Variants in THRA observed in about 807,000 individuals in gnomAD.
THRA encodes the protein thyroid hormone receptor alpha.
In THRA, 13 loss-of-function variants were observed where a neutral mutation model predicts 45.0. The ratio of observed to expected loss-of-function variants is 0.29; its 90% CI spans 0.19 to 0.46. The LOEUF is 0.46. THRA is among the 20% of genes least tolerant of loss of function. The pLI, the probability that THRA is intolerant of heterozygous loss-of-function variation, is 1.00. For missense variants in THRA, 278 were observed against 556.1 expected, an observed-to-expected ratio of 0.50 and a Z score of 5.03; for synonymous variants, 195 against 214.0, an observed-to-expected ratio of 0.91 and a Z score of 0.78.
rs1175880290 is a variant in THRA, at chr17:40,091,345, GGT to G, written c.*1892_*1893del. On this transcript the variant is annotated 3_prime_UTR_variant, in exon 9 of 9. Transcript: ENST00000450525. ...GGCACTGTCCTTCCCCAATCGTTCA[GGT>G]GTTCCAACAGGGGTGGAGGGCCTGG... The G allele has an allele frequency of 3.9e-5, 6 of 152,878 alleles. No homozygotes were observed. In the East Asian group the frequency reaches 1.2e-3, roughly 29 times the overall value. The allele number at this position is 152,878 out of a possible 1,614,324, so 9.5% of individuals were successfully genotyped here. A position where few individuals can be genotyped will look rare whatever the true frequency, so the allele number is the denominator to read the frequency against.
At chr17:40,083,787 G>A (rs753823337) in intron 4 of THRA, 48 bp from the exon 5 acceptor site, 1 of 1,544,688 alleles carries the variant, frequency 6.5e-7, no homozygotes, top group African/African-American at 1.4e-5. Context: ...GGTTCAGGAA[G>A]GGGAAGCCAT....
intron 7 of THRA, among the ~76,000 whole-genome samples, chr17:40,087,776 T>A (rs1356262512): frequency 6.6e-6 from 1 of 152,204 alleles, no homozygotes; most frequent in Non-Finnish European, 1.5e-5. Context: ...TTTTCTTTTT[T>A]GAGACAGATT....
At chr17:40,084,924 A>G in intron 6 of THRA, 109 bp downstream of exon 6, 1 of 1,176,534 alleles carries the variant, frequency 8.5e-7, no homozygotes, top group Non-Finnish European at 1.2e-6. Context: ...ATCCAACCCA[A>G]AATACATACT....
chr17:40,072,733 C>G (rs1035269159), intron 1 of THRA, among the ~76,000 whole-genome samples: 2 of 152,132 alleles, frequency 1.3e-5, no homozygotes, highest in African/African-American at 4.8e-5. Context: ...CCCCAGTGCC[C>G]AGCCCCTGGG....
intron 4 of THRA, 23 bp downstream of exon 4, chr17:40,077,631 C>A: frequency 1.3e-6 from 2 of 1,593,754 alleles, no homozygotes; most frequent in Non-Finnish European, 1.7e-6. Context: ...CCTCCTGCCC[C>A]TCCCCTGCCA....
At chr17:40,086,654 T>C in intron 6 of THRA, 53 bp from the exon 7 acceptor site, 2 of 1,589,818 alleles carry the variant, frequency 1.3e-6, no homozygotes, top group Non-Finnish European at 1.7e-6. Flanking sequence ...GGAGCCTCAG[T>C]GAGAGGCTGA....
intron 4 of THRA, among the ~76,000 whole-genome samples, chr17:40,082,207 CTTTTTT>C (rs770974952): frequency 5.3e-4 from 42 of 78,784 alleles, no homozygotes; most frequent in South Asian, 4.6e-4. Flanking sequence ...CTTGGATTTC[CTTTTTT>C]TTTTTTTTTT....
Position 40,092,381 on chromosome 17 carries a change from G to C in THRA, c.*2925G>C, listed in dbSNP as rs1035128731. ...TGTATGAGAAGCTGGTGCTGGGCTG[G>C]GGGGAGGGGGGTTGTGGCCAGAAAC... On this transcript the variant is annotated 3_prime_UTR_variant, in exon 9 of 9. Coordinates refer to ENST00000450525, the MANE Select transcript of THRA (RefSeq NM_199334.5). 11 of 152,236 alleles carry C rather than the reference G, an allele frequency of 7.2e-5. No homozygotes were observed. In the East Asian group the frequency reaches 1.4e-3, roughly 19 times the overall value. The allele number at this position is 152,236 out of a possible 1,614,324, so 9.4% of individuals were successfully genotyped here. A position where few individuals can be genotyped will look rare whatever the true frequency, so the allele number is the denominator to read the frequency against.
chr17:40,080,689 CTG>C (rs2145067915), intron 4 of THRA, among the ~76,000 whole-genome samples: 1 of 140,488 alleles, frequency 7.1e-6, no homozygotes, highest in Middle Eastern at 3.6e-3. Flanking sequence ...GCCCAGGAAT[CTG>C]TATCTTTGGT....
chr17:40,088,823 C>G (rs764148573), intron 8 of THRA, among the ~76,000 whole-genome samples: 117 of 151,808 alleles, frequency 7.7e-4, no homozygotes, highest in Non-Finnish European at 1.4e-3. Flanking sequence ...ATCCCCTCAT[C>G]CCTCCTCTGT....
intron 6 of THRA, among the ~76,000 whole-genome samples, chr17:40,085,557 C>T (rs921339892): frequency 6.6e-6 from 1 of 151,954 alleles, no homozygotes; most frequent in East Asian, 1.9e-4. Flanking sequence ...TGGTCTCGAA[C>T]TCCTGACCTC....
chr17:40,089,620 C>T lies in THRA; in HGVS notation c.*164C>T, dbSNP rs1173497253. The T allele has an allele frequency of 2.0e-5, 29 of 1,436,234 alleles. No homozygotes were observed. Among genetic ancestry groups the T allele is most frequent in the Non-Finnish European group, 2.5e-5 (27 of 1,100,334 alleles). 89.0% of individuals were successfully genotyped at this position (1,436,234 alleles called of 1,614,324 possible). ...CACACCCGCACTGCCCAGGTCCCTC[C>T]TCAGACCTCCAGCCCTGGGACAGGG... On this transcript the variant is annotated 3_prime_UTR_variant, in exon 9 of 9. Transcript: ENST00000450525. The surrounding 1 kb of genome is among the most constrained non-coding windows in gnomAD (Gnocchi z 6.1).
In THRA at chr17:40,088,442, CT is replaced by C; in HGVS notation, c.927del (p.Phe309LeufsTer16). ...IFELGKSLSA[F>X]NLDDTEVALL... is the part of the protein sequence containing the mutation. ...TTGAACTGGGCAAGTCACTCTCTGC[CT>C]TTAACCTGGATGACACGGAAGTGGC... On this transcript the variant is annotated frameshift_variant, in exon 8 of 9. Transcript: ENST00000450525. LOFTEE classifies it high-confidence loss of function. 6.2e-7 allele frequency: 1 copy of C among 1,614,098 alleles called. No homozygotes were observed. The highest frequency in any genetic ancestry group is 8.5e-7 in the Non-Finnish European group (1 of 1,179,972).
chr17:40,086,787 C>G lies in THRA; in HGVS notation c.657C>G (p.Thr219=), dbSNP rs1263375035. Residue 219 remains threonine, a synonymous_variant, in exon 7 of 9, where the codon ACC becomes ACG. Transcript: ENST00000450525. Reference sequence around the variant, plus strand: ...ACCTGGAAGCCTTCAGCGAGTTTACCAAGATCATCACCCCGGCCATCACCC... The same window carrying G: ...ACCTGGAAGCCTTCAGCGAGTTTACGAAGATCATCACCCCGGCCATCACCC... The part of the protein sequence containing the change: ...KVDLEAFSEF[T]KIITPAITRV... 1 of 1,614,038 alleles carries G rather than the reference C, an allele frequency of 6.2e-7. No homozygotes were observed. The highest frequency in any genetic ancestry group is 8.5e-7 in the Non-Finnish European group (1 of 1,180,030).
intron 1 of THRA, among the ~76,000 whole-genome samples, chr17:40,063,607 CCCCGCCTCA>C (rs1162556611): frequency 2.0e-5 from 3 of 152,192 alleles, no homozygotes; most frequent in Non-Finnish European, 4.4e-5. Context: ...AGGGAAGTTC[CCCCGCCTCA>C]CCCGCCTCCC....
rs922013058 is a variant in THRA at position 40,068,011 on chromosome 17, C to T, written c.-298+4919C>T. On this transcript the variant is annotated intron_variant, in intron 1 of 8. Coordinates refer to ENST00000450525, the MANE Select transcript of THRA (RefSeq NM_199334.5). ...CTCTAGCCTGAACAACAGAGTGAGA[C>T]CCCCCACACACACATCCTCTCAAAA... is the stretch of plus-strand genomic sequence containing the variant. 3.9e-5 allele frequency among the ~76,000 whole-genome samples: 6 copies of T among 152,226 alleles called. No individual in the cohort carries two copies. In the East Asian group the frequency reaches 9.6e-4, roughly 24 times the overall value.
intron 5 of THRA, chr17:40,084,344 G>A: frequency 1.9e-6 from 1 of 520,228 alleles, no homozygotes; most frequent in African/African-American, 1.9e-5. Flanking sequence ...TGGGTGGCAG[G>A]ATATTCGAGT....
Position 40,074,451 on chromosome 17 carries a change from T to C in THRA, c.-38T>C. On this transcript the variant is annotated 5_prime_UTR_variant, in exon 2 of 9. Transcript: ENST00000450525. ...GGCCAGTGTGCCCACCCCAGTCTCTTGGCGTGCTGGAGGGCATCCTGGATG... is the reference window on the plus strand; with the variant it reads ...GGCCAGTGTGCCCACCCCAGTCTCTCGGCGTGCTGGAGGGCATCCTGGATG... The C allele has an allele frequency of 6.2e-7, 1 of 1,613,398 alleles. No individual in the cohort carries two copies. The highest frequency in any genetic ancestry group is 8.5e-7 in the Non-Finnish European group (1 of 1,179,458).
intron 6 of THRA, 61 bp from the exon 7 acceptor site, chr17:40,086,646 A>T (rs1216578683): frequency 6.3e-7 from 1 of 1,579,740 alleles, no homozygotes; most frequent in Non-Finnish European, 8.6e-7. Flanking sequence ...GTGGGCAGGG[A>T]GCCTCAGTGA....
Sources: gnomAD v4.1 joint callset for allele counts (sites outside exome capture counted in the v4.1 genomes callset) on GRCh38, gnomAD v4.1.1 for gene constraint, Gnocchi (gnomAD v3.1) non-coding constraint, MANE v1.5 for transcripts, NCBI Gene and HGNC (gene_info 2026-07-23, HGNC 2026-07-21) for gene names.